The following FAAH variants were observed in gnomAD, a reference collection of about 807,000 sequenced individuals.
The protein encoded by FAAH is fatty acid amide hydrolase.
FAAH carries 63 observed loss-of-function variants against 69.7 expected under a neutral mutation model. That is an observed-to-expected ratio of 0.90 (90% CI 0.74 to 1.12). The LOEUF (loss-of-function observed/expected upper bound fraction) is 1.12, where lower values mean the gene tolerates loss of function less well. FAAH is among the 50% of genes most tolerant of loss of function. The pLI, the probability that FAAH is intolerant of heterozygous loss-of-function variation, is 0.00. For synonymous variants in FAAH, 305 were observed against 324.2 expected, an observed-to-expected ratio of 0.94 and a Z score of 0.64; for missense variants, 680 against 755.0, an observed-to-expected ratio of 0.90 and a Z score of 1.16.
At chr1:46,412,407 G>A (rs1664934106) in intron 13 of FAAH, among the ~76,000 whole-genome samples, 156 bp downstream of exon 13, 1 of 152,260 alleles carries the variant, frequency 6.6e-6, no homozygotes, top group Non-Finnish European at 1.5e-5. Flanking sequence ...GGGTTGCCCT[G>A]GCAGGGATTG....
intron 7 of FAAH, among the ~76,000 whole-genome samples, chr1:46,407,346 G>T (rs1664818192): frequency 1.3e-5 from 2 of 152,152 alleles, no homozygotes; most frequent in Non-Finnish European, 2.9e-5. Flanking sequence ...GATTGGTTAA[G>T]ATCCTTAATC....
intron 1 of FAAH, among the ~76,000 whole-genome samples, chr1:46,395,690 T>G (rs1557755423): frequency 6.6e-6 from 1 of 151,928 alleles, no homozygotes; most frequent in Non-Finnish European, 1.5e-5. Flanking sequence ...ACAGAAAGAG[T>G]CACAGAAAAT....
intron 2 of FAAH, among the ~76,000 whole-genome samples, chr1:46,402,959 C>G (rs1203118291): frequency 6.6e-6 from 1 of 152,134 alleles, no homozygotes; most frequent in Non-Finnish European, 1.5e-5. Flanking sequence ...TCCCAAAGTG[C>G]TGGGGTTACA....
Position 46,410,881 on chromosome 1 carries a change from C to A in FAAH, c.1316+27C>A. The A allele has an allele frequency of 6.2e-7, 1 of 1,613,928 alleles. No individual in the cohort carries two copies. The highest frequency in any genetic ancestry group is 1.3e-5 in the African/African-American group (1 of 75,032). ...TAAGGGTTCTTCTGTGTCTAGCTGC[C>A]GGCCCCTGCCTGTCCTGATCCGAGT... is the stretch of plus-strand genomic sequence containing the variant. On this transcript the variant is annotated intron_variant, in intron 11 of 14. Transcript: ENST00000243167. This position sits in a 1 kb window ranked among gnomAD's most constrained non-coding sequence, Gnocchi z 4.9.
chr1:46,405,786 C>A lies in FAAH; in HGVS notation c.777C>A (p.Asn259Lys). 1 of 1,613,406 alleles carries A rather than the reference C, an allele frequency of 6.2e-7. No homozygotes were observed. Among genetic ancestry groups the A allele is most frequent in the Non-Finnish European group, 8.5e-7 (1 of 1,180,000 alleles). The change falls in exon 5 of 15, where the codon AAC becomes AAA. Residue 259 changes from asparagine to lysine, a missense_variant. Physicochemically the swap from Asn to Lys is moderately conservative, Grantham distance 94. Transcript: ENST00000243167. The surrounding 1 kb of genome is among the most constrained non-coding windows in gnomAD (Gnocchi z 4.1). Reference sequence around the variant, plus strand: ...TCTGCGGCCTCAAGCCCACAGGGAACCGCCTCAGGTAAGGTGGGTGGAGGG... The same window carrying A: ...TCTGCGGCCTCAAGCCCACAGGGAAACGCCTCAGGTAAGGTGGGTGGAGGG... ...CGICGLKPTG[N>K]RLSKSGLKGC... is the part of the protein sequence containing the mutation.
rs947075849 is a variant in FAAH at position 46,409,382 on chromosome 1, G to A, written c.1175+184G>A. The A allele has an allele frequency of 3.5e-5, 22 of 633,826 alleles. No individual in the cohort carries two copies. In the Admixed American group the frequency reaches 4.5e-4, roughly 13 times the overall value. The allele number at this position is 633,826 out of a possible 1,614,324, so 39.3% of individuals were successfully genotyped here. ...TTGAGCCTGGAGATCCCTTGCCAGG[G>A]TGCCAGCCCGAGGGGAGGCTGGGTT... On this transcript the variant is annotated intron_variant, in intron 9 of 14. Coordinates refer to ENST00000243167, the MANE Select transcript of FAAH (RefSeq NM_001441.3).
rs2148453684 is a variant in FAAH at position 46,411,776 on chromosome 1, C to T, written c.1356+125C>T. On this transcript the variant is annotated intron_variant, in intron 12 of 14. Transcript: ENST00000243167. The surrounding 1 kb of genome is among the most constrained non-coding windows in gnomAD (Gnocchi z 4.8). Reference sequence around the variant, plus strand: ...GCTCCTAGACTGGCCTGTCATCCCCCTTCCACTCCCTGGACCACCACTTGG... The same window carrying T: ...GCTCCTAGACTGGCCTGTCATCCCCTTTCCACTCCCTGGACCACCACTTGG... 2 of 1,048,118 alleles carry T rather than the reference C, an allele frequency of 1.9e-6. No individual in the cohort carries two copies. The highest frequency in any genetic ancestry group is 2.9e-6 in the Non-Finnish European group (2 of 697,354). The allele number at this position is 1,048,118 out of a possible 1,614,324, so 64.9% of individuals were successfully genotyped here.
chr1:46,402,174 T>C lies in FAAH; in HGVS notation c.279T>C (p.Pro93=), dbSNP rs1343480670. Residue 93 remains proline (P), a synonymous_variant, in exon 2 of 15, where the codon CCT becomes CCC. Coordinates refer to ENST00000243167, the MANE Select transcript of FAAH (RefSeq NM_001441.3). The part of the protein sequence containing the change: ...VQKLHSRELA[P]EAVLFTYVGK... ...AGTTACACAGTAGAGAGCTGGCCCC[T>C]GAGGCCGTGCTCTTCACCTATGTGG... 1 of 1,606,308 alleles carries C rather than the reference T, an allele frequency of 6.2e-7. No individual in the cohort carries two copies. The highest frequency in any genetic ancestry group is 8.5e-7 in the Non-Finnish European group (1 of 1,176,310).
At chr1:46,399,717 A>C (rs1242056245) in intron 1 of FAAH, among the ~76,000 whole-genome samples, 1 of 152,258 alleles carries the variant, frequency 6.6e-6, no homozygotes, top group Non-Finnish European at 1.5e-5. Flanking sequence ...TATAATGAAA[A>C]CAAAAATAAA....
At chr1:46,408,015 C>A (rs1193396301) in intron 7 of FAAH, among the ~76,000 whole-genome samples, 2 of 152,094 alleles carry the variant, frequency 1.3e-5, no homozygotes, top group Non-Finnish European at 2.9e-5. Context: ...TCTAACCGAA[C>A]CCACGGGGAT....
At chr1:46,406,492 C>A in intron 7 of FAAH, 124 bp downstream of exon 7, 1 of 1,303,748 alleles carries the variant, frequency 7.7e-7, no homozygotes, top group Non-Finnish European at 1.1e-6. Flanking sequence ...GAGGCCAGGG[C>A]GGGTTGCTCC....
chr1:46,410,309 C>CAT lies in FAAH; in HGVS notation c.1176-87_1176-86dup. On this transcript the variant is annotated intron_variant, in intron 9 of 14. Coordinates refer to ENST00000243167, the MANE Select transcript of FAAH (RefSeq NM_001441.3). The surrounding 1 kb of genome is among the most constrained non-coding windows in gnomAD (Gnocchi z 4.9). ...GAGGAGGAGGTGGACAGGATCCCTG[C>CAT]ATAGAGAATGGGATTGCTGTGGGCC... 1 of 976,046 alleles carries CAT rather than the reference C, an allele frequency of 1.0e-6. No individual in the cohort carries two copies. The highest frequency in any genetic ancestry group is 2.4e-5 in the East Asian group (1 of 41,882). The allele number at this position is 976,046 out of a possible 1,614,324, so 60.5% of individuals were successfully genotyped here. A position where few individuals can be genotyped will look rare whatever the true frequency, so the allele number is the denominator to read the frequency against.
intron 7 of FAAH, among the ~76,000 whole-genome samples, chr1:46,406,898 G>A (rs45577432): frequency 0.055 from 8,406 of 152,000 alleles, 601 homozygotes; most frequent in East Asian, 0.31. Context: ...GAGTTACCGC[G>A]CCGGCCGGAA....
In FAAH at chr1:46,411,780, C is replaced by T; in HGVS notation, c.1356+129C>T. The T allele has an allele frequency of 2.9e-6, 3 of 1,033,528 alleles. No homozygotes were observed. Among genetic ancestry groups the T allele is most frequent in the Non-Finnish European group, 4.4e-6 (3 of 685,004 alleles). 64.0% of individuals were successfully genotyped at this position (1,033,528 alleles called of 1,614,324 possible). On this transcript the variant is annotated intron_variant, in intron 12 of 14. Transcript: ENST00000243167. The surrounding 1 kb of genome is among the most constrained non-coding windows in gnomAD (Gnocchi z 4.8). Reference sequence around the variant, plus strand: ...CTAGACTGGCCTGTCATCCCCCTTCCACTCCCTGGACCACCACTTGGGCCC... The same window carrying T: ...CTAGACTGGCCTGTCATCCCCCTTCTACTCCCTGGACCACCACTTGGGCCC...
intron 1 of FAAH, among the ~76,000 whole-genome samples, chr1:46,401,711 C>G (rs1226950433): frequency 6.6e-6 from 1 of 152,196 alleles, no homozygotes; most frequent in African/African-American, 2.4e-5. Context: ...TGTTGGCACA[C>G]AGAAGGCAGC....
In FAAH at chr1:46,397,277, T is replaced by C. The variant is rs59877662; in HGVS notation, c.195+2734T>C. 5.1e-3 allele frequency among the ~76,000 whole-genome samples: 773 copies of C among 152,162 alleles called. 7 individuals carry two copies. Among genetic ancestry groups the C allele is most frequent in the African/African-American group, 0.018 (735 of 41,506 alleles). ...AAGGAATCCACCTGGCTGGCAGGGGTGTGGGATGGTAGCAGGATGGGTCTT... is the reference window on the plus strand; with the variant it reads ...AAGGAATCCACCTGGCTGGCAGGGGCGTGGGATGGTAGCAGGATGGGTCTT... On this transcript the variant is annotated intron_variant, in intron 1 of 14. Coordinates refer to ENST00000243167, the MANE Select transcript of FAAH (RefSeq NM_001441.3).
At chr1:46,396,501 G>A (rs1346882417) in intron 1 of FAAH, among the ~76,000 whole-genome samples, 1 of 152,186 alleles carries the variant, frequency 6.6e-6, no homozygotes, top group African/African-American at 2.4e-5. Flanking sequence ...TCTCAGTGGG[G>A]AGAAACCTTG....
chr1:46,395,701 T>A (rs1431035095), intron 1 of FAAH, among the ~76,000 whole-genome samples: 1 of 152,122 alleles, frequency 6.6e-6, no homozygotes, highest in Non-Finnish European at 1.5e-5. Flanking sequence ...CACAGAAAAT[T>A]GTGTTCAGCA....
chr1:46,395,110 T>C (rs1163502718), intron 1 of FAAH, among the ~76,000 whole-genome samples: 2 of 152,158 alleles, frequency 1.3e-5, no homozygotes, highest in Non-Finnish European at 2.9e-5. Flanking sequence ...CTGGCTAATT[T>C]TTGCATTTTT....
Sources: allele counts gnomAD v4.1 joint callset (sites outside exome capture counted in the v4.1 genomes callset), GRCh38; gene constraint gnomAD v4.1.1; non-coding constraint Gnocchi (gnomAD v3.1); transcripts MANE v1.5; gene names NCBI Gene and HGNC (gene_info 2026-07-23, HGNC 2026-07-21).